Variants in XIRP2 observed in about 807,000 individuals in gnomAD.
The protein encoded by XIRP2 is xin actin-binding repeat-containing protein 2.
A neutral mutation model predicts 277.0 loss-of-function variants in XIRP2; 236 were observed. That is an observed-to-expected ratio of 0.85 (90% CI 0.77 to 0.95). The LOEUF (loss-of-function observed/expected upper bound fraction) is 0.95. Ranked by LOEUF, XIRP2 falls within the 40% of genes least tolerant of loss-of-function variation. The pLI is 0.00. For synonymous variants in XIRP2, 1,490 were observed against 1,416.5 expected (o/e 1.05, Z -1.17); for missense variants, 4,640 against 4,157.5 (o/e 1.12, Z -3.19).
chr2:167,179,412 C>A (rs1482632296), intron 3 of XIRP2, among the ~76,000 whole-genome samples: 1 of 150,930 alleles, frequency 6.6e-6, no homozygotes, highest in Non-Finnish European at 1.5e-5. Context: ...CCTCCACCTC[C>A]CGGGTTCAAG....
intron 5 of XIRP2, among the ~76,000 whole-genome samples, chr2:167,228,545 C>A (rs1157469458): frequency 6.6e-6 from 1 of 152,082 alleles, no homozygotes; most frequent in Non-Finnish European, 1.5e-5. Context: ...CAGCTGGGTT[C>A]TTTTACTTTG....
intron 5 of XIRP2, among the ~76,000 whole-genome samples, chr2:167,232,763 C>T (rs528297773): frequency 6.6e-6 from 1 of 151,820 alleles, no homozygotes; most frequent in Non-Finnish European, 1.5e-5. Context: ...GTTTTTTGAA[C>T]AAGAAATGGA....
chr2:167,218,073 T>C, intron 4 of XIRP2, 93 bp from the exon 5 acceptor site: 3 of 1,103,252 alleles, frequency 2.7e-6, no homozygotes, highest in Middle Eastern at 2.3e-4. Context: ...AGATACTGTC[T>C]ATCAATAAAT....
chr2:167,012,903 T>C lies in XIRP2; in HGVS notation c.408+109013T>C, dbSNP rs1687721463. 2.0e-5 allele frequency among the ~76,000 whole-genome samples: 3 copies of C among 151,448 alleles called. No homozygotes were observed. In the Admixed American group the frequency reaches 2.0e-4, roughly 10 times the overall value. ...GCTGTAATTCTCCAGCGTTTTGTTA[T>C]TTCCAGTTCATCATTGGTTCTTTCA... On this transcript the variant is annotated intron_variant, in intron 2 of 10. Coordinates refer to ENST00000409195, the MANE Select transcript of XIRP2 (RefSeq NM_152381.6).
chr2:167,207,681 GA>G (rs1378713131), intron 3 of XIRP2, among the ~76,000 whole-genome samples: 1 of 151,904 alleles, frequency 6.6e-6, no homozygotes, highest in African/African-American at 2.4e-5. Flanking sequence ...TGAGGCTTGA[GA>G]AAAAAAGATC....
chr2:167,101,396 T>C (rs1386226017), intron 2 of XIRP2, among the ~76,000 whole-genome samples: 3 of 152,152 alleles, frequency 2.0e-5, no homozygotes, highest in Non-Finnish European at 2.9e-5. Flanking sequence ...AGTGGTGATT[T>C]GTGAGATTTT....
At chr2:167,086,822 G>A (rs1402835225) in intron 2 of XIRP2, among the ~76,000 whole-genome samples, 2 of 149,866 alleles carry the variant, frequency 1.3e-5, no homozygotes, top group East Asian at 2.0e-4. Flanking sequence ...CTCTGTATTG[G>A]TTATTCTAGT....
rs758166450 is a variant in XIRP2, at chr2:167,251,103, A to T, written c.9711A>T (p.Thr3237=). 1 of 1,613,476 alleles carries T rather than the reference A, an allele frequency of 6.2e-7. No individual in the cohort carries two copies. Among genetic ancestry groups the T allele is most frequent in the African/African-American group, 1.3e-5 (1 of 74,864 alleles). Residue 3237 remains threonine (T), a synonymous_variant, in exon 9 of 11, where the codon ACA becomes ACT. Transcript: ENST00000409195. ...CTCGTGGTAGGGACTCTCCACCTAC[A>T]ATCACAATACCAGTAAATATAAATC... is the stretch of plus-strand genomic sequence containing the variant. ...IETRGRDSPP[T]ITIPVNINHA...
intron 2 of XIRP2, among the ~76,000 whole-genome samples, chr2:166,922,734 C>T (rs1051825171): frequency 6.6e-6 from 1 of 150,486 alleles, no homozygotes; most frequent in Non-Finnish European, 1.5e-5. Context: ...CCAGCCTGGG[C>T]AACAGAGCGA....
chr2:167,130,849 T>TGGAGAGG (rs1691352781), intron 2 of XIRP2, among the ~76,000 whole-genome samples: 2 of 152,044 alleles, frequency 1.3e-5, no homozygotes, highest in Admixed American at 1.3e-4. Context: ...ATATACTTTC[T>TGGAGAGG]CATTGCCCAA....
Position 167,250,369 on chromosome 2 carries a change from A to G in XIRP2, c.8977A>G (p.Arg2993Gly), listed in dbSNP as rs747938806. Reference sequence around the variant, plus strand: ...AGGATGGCTGATAAGTGAAGATAAGAGAGAATATGCAGTTCACATTGCCAT... The same window carrying G: ...AGGATGGCTGATAAGTGAAGATAAGGGAGAATATGCAGTTCACATTGCCAT... ...IPGWLISEDK[R>G]EYAVHIAMEN... The change falls in exon 9 of 11, where the codon AGA becomes GGA. Residue 2993 changes from arginine (R) to glycine (G), a missense_variant. By Grantham distance (125) the Arg-to-Gly change is moderately radical (BLOSUM62 -2). Coordinates refer to ENST00000409195, the MANE Select transcript of XIRP2 (RefSeq NM_152381.6). 6.2e-7 allele frequency: 1 copy of G among 1,613,586 alleles called. No individual in the cohort carries two copies. The highest frequency in any genetic ancestry group is 1.1e-5 in the South Asian group (1 of 91,072).
chr2:166,980,270 G>T (rs1027845195), intron 2 of XIRP2, among the ~76,000 whole-genome samples: 1 of 151,728 alleles, frequency 6.6e-6, no homozygotes, highest in Non-Finnish European at 1.5e-5. Flanking sequence ...AATAAGTTTT[G>T]TTGATATTTT....
intron 2 of XIRP2, among the ~76,000 whole-genome samples, chr2:167,085,277 T>C (rs1689898879): frequency 6.6e-6 from 1 of 151,868 alleles, no homozygotes; most frequent in Non-Finnish European, 1.5e-5. Context: ...TAATCCTGAG[T>C]TCTAGTTTGA....
chr2:167,191,557 T>C (rs1693336551), intron 3 of XIRP2, among the ~76,000 whole-genome samples: 1 of 152,140 alleles, frequency 6.6e-6, no homozygotes, highest in African/African-American at 2.4e-5. Flanking sequence ...CATGTTTCTC[T>C]TGAAATTAGG....
intron 2 of XIRP2, among the ~76,000 whole-genome samples, chr2:167,005,912 T>C (rs1558944416): frequency 6.6e-6 from 1 of 151,808 alleles, no homozygotes; most frequent in Non-Finnish European, 1.5e-5. Context: ...AGAGTATGCA[T>C]GAGGACAGCA....
At position 167,163,103 on chromosome 2, in the gene XIRP2, A is replaced by G. The variant is rs77675948; in HGVS notation, c.562+27041A>G. On this transcript the variant is annotated intron_variant, in intron 3 of 10. Coordinates refer to ENST00000409195, the MANE Select transcript of XIRP2 (RefSeq NM_152381.6). ...CTTTATGGACAGCTAGGCTATTTCT[A>G]GTTTCAGGCTATTAAGACTACAATT... Among the ~76,000 whole-genome samples, 347 of 152,234 alleles carry G rather than the reference A, an allele frequency of 2.3e-3. 12 individuals are homozygous for G. The East Asian group carries it at 0.056, about 25-fold the overall frequency.
At chr2:167,055,792 A>T (rs754443032) in intron 2 of XIRP2, among the ~76,000 whole-genome samples, 2 of 152,188 alleles carry the variant, frequency 1.3e-5, no homozygotes, top group Non-Finnish European at 2.9e-5. Flanking sequence ...TTAATCTCAG[A>T]CTAAACTGTG....
At chr2:167,191,137 G>A (rs1693317918) in intron 3 of XIRP2, among the ~76,000 whole-genome samples, 1 of 146,078 alleles carries the variant, frequency 6.8e-6, no homozygotes, top group African/African-American at 2.6e-5. Flanking sequence ...GATAAACCAT[G>A]ATCGTGCCAC....
At chr2:166,968,995 T>C (rs1216467914) in intron 2 of XIRP2, among the ~76,000 whole-genome samples, 4 of 151,938 alleles carry the variant, frequency 2.6e-5, no homozygotes, top group African/African-American at 7.2e-5. Context: ...CTGAGGCCAA[T>C]GTTTGTGTCA....
Sources: allele counts gnomAD v4.1 joint callset (sites outside exome capture counted in the v4.1 genomes callset), GRCh38; gene constraint gnomAD v4.1.1; transcripts MANE v1.5; gene names NCBI Gene and HGNC (gene_info 2026-07-23, HGNC 2026-07-21).